UBN2: variants seen among roughly 807,000 people sequenced by gnomAD.
UBN2 encodes the protein ubinuclein 2, also known as ubinuclein-2.
UBN2 carries 35 observed loss-of-function variants against 120.2 expected under a neutral mutation model. The ratio of observed to expected loss-of-function variants is 0.29; its 90% CI spans 0.22 to 0.39. UBN2 has a LOEUF of 0.39. Among genes scored for constraint, UBN2 ranks in the 10% least tolerant of loss-of-function variants. The pLI is 1.00. For missense variants in UBN2, 1,693 were observed against 1,663.2 expected (o/e 1.02, Z -0.31); for synonymous variants, 661 against 648.7 (o/e 1.02, Z -0.29).
chr7:139,317,080 A>G, the UBN2 span, among the ~76,000 whole-genome samples: 13 of 150,358 alleles, frequency 8.6e-5, no homozygotes, highest in East Asian at 2.0e-3. Context: ...CTACAGGCCA[A>G]TGTTCCTAAA....
At chr7:139,270,565 G>T (rs925082217) in intron 8 of UBN2, among the ~76,000 whole-genome samples, 4 of 151,922 alleles carry the variant, frequency 2.6e-5, no homozygotes, top group Non-Finnish European at 4.4e-5. Flanking sequence ...CACCGTGCCT[G>T]GCCAGAAACA....
chr7:139,329,652 A>C, the UBN2 span, among the ~76,000 whole-genome samples: 7 of 152,102 alleles, frequency 4.6e-5, no homozygotes, highest in Non-Finnish European at 7.4e-5. Context: ...GCGTGAGAGC[A>C]TTCTTACGTG....
At chr7:139,236,609 A>G (rs950942158) in intron 1 of UBN2, among the ~76,000 whole-genome samples, 1 of 151,986 alleles carries the variant, frequency 6.6e-6, no homozygotes, top group Non-Finnish European at 1.5e-5. Context: ...GTTATTTTGG[A>G]TGAGGTGACC....
chr7:139,288,197 C>T (rs1365196862), intron 15 of UBN2, among the ~76,000 whole-genome samples: 1 of 152,150 alleles, frequency 6.6e-6, no homozygotes, highest in Admixed American at 6.5e-5. Context: ...AGCATACTCA[C>T]ACATATAGTC....
intron 2 of UBN2, among the ~76,000 whole-genome samples, chr7:139,240,144 CTAAAT>C (rs1009887300): frequency 6.6e-6 from 1 of 151,936 alleles, no homozygotes; most frequent in African/African-American, 2.4e-5. Context: ...TTGTTATAGT[CTAAAT>C]TAATGGGCTA....
intron 2 of UBN2, among the ~76,000 whole-genome samples, chr7:139,243,782 A>T (rs1387264838): frequency 6.6e-6 from 1 of 152,166 alleles, no homozygotes. Flanking sequence ...ATTGTGCCTT[A>T]TAGTTGGCAA....
In UBN2 at chr7:139,283,019, A is replaced by G. The variant is rs760927772; in HGVS notation, c.2119-5A>G. ...TATTTTTTTCCATATGATGCTTTAC[A>G]TTAGGAGTGTAGTCCAAAAAAGGAC... On this transcript the variant is annotated splice_polypyrimidine_tract_variant and splice_region_variant and intron_variant, in intron 14 of 17. Coordinates refer to ENST00000473989, the MANE Select transcript of UBN2 (RefSeq NM_173569.4). 17 of 1,568,692 alleles carry G rather than the reference A, an allele frequency of 1.1e-5. No individual in the cohort carries two copies. In the East Asian group the frequency reaches 2.9e-4, roughly 27 times the overall value.
chr7:139,235,607 A>G (rs1046697340), intron 1 of UBN2, among the ~76,000 whole-genome samples: 1 of 152,050 alleles, frequency 6.6e-6, no homozygotes, highest in Non-Finnish European at 1.5e-5. Flanking sequence ...GGGTTTCACC[A>G]TGTTGGCTAG....
intron 13 of UBN2, among the ~76,000 whole-genome samples, 161 bp downstream of exon 13, chr7:139,279,521 A>G (rs557408379): frequency 5.9e-5 from 9 of 152,352 alleles, no homozygotes; most frequent in African/African-American, 2.2e-4. Context: ...ATTTGGGAGA[A>G]TAGATTCCTG....
chr7:139,322,475 G>T, the UBN2 span, among the ~76,000 whole-genome samples: 1 of 152,136 alleles, frequency 6.6e-6, no homozygotes, highest in African/African-American at 2.4e-5. Context: ...AGGCTGCATG[G>T]GAGTGTAGAA....
chr7:139,232,579 A>C (rs1200860135), intron 1 of UBN2, among the ~76,000 whole-genome samples: 1 of 152,184 alleles, frequency 6.6e-6, no homozygotes, highest in East Asian at 1.9e-4. Context: ...TCTGGTTACT[A>C]ATTTTTCTCT....
At chr7:139,260,222 C>T (rs1166638960) in intron 5 of UBN2, among the ~76,000 whole-genome samples, 3 of 152,094 alleles carry the variant, frequency 2.0e-5, no homozygotes, top group Non-Finnish European at 4.4e-5. Context: ...CCTCAGCTAC[C>T]TGAGTAGCTG....
rs540322887 is a variant in UBN2 at position 139,281,982 on chromosome 7, A to G, written c.2068-23A>G. 110 of 1,611,132 alleles carry G rather than the reference A, an allele frequency of 6.8e-5. No individual in the cohort carries two copies. The South Asian group carries it at 1.2e-3, about 17-fold the overall frequency. On this transcript the variant is annotated intron_variant, in intron 13 of 17. Coordinates refer to ENST00000473989, the MANE Select transcript of UBN2 (RefSeq NM_173569.4). Reference sequence around the variant, plus strand: ...GTTAGAGTGTAACAGTATTCTTAACAGCTTGCTTATGTAATACCTTAGGAG... The same window carrying G: ...GTTAGAGTGTAACAGTATTCTTAACGGCTTGCTTATGTAATACCTTAGGAG...
At chr7:139,273,829 A>T in intron 10 of UBN2, 102 bp from the exon 11 acceptor site, 1 of 1,014,936 alleles carries the variant, frequency 9.9e-7, no homozygotes, top group Non-Finnish European at 1.4e-6. Context: ...ATATGTTAGA[A>T]ATTGTTTGTT....
chr7:139,247,377 A>C lies in UBN2; in HGVS notation c.562-4579A>C, dbSNP rs1186647490. 3.3e-5 allele frequency among the ~76,000 whole-genome samples: 5 copies of C among 152,212 alleles called. No individual in the cohort carries two copies. In the East Asian group the frequency reaches 9.6e-4, roughly 29 times the overall value. Reference sequence around the variant, plus strand: ...AGAAGCTAATTTAGAGACAAATGACAGTGGAAACACTAATTTCAGTTTTGC... The same window carrying C: ...AGAAGCTAATTTAGAGACAAATGACCGTGGAAACACTAATTTCAGTTTTGC... On this transcript the variant is annotated intron_variant, in intron 2 of 17. Transcript: ENST00000473989.
the UBN2 span, among the ~76,000 whole-genome samples, chr7:139,327,460 C>T: frequency 1.3e-5 from 2 of 152,056 alleles, no homozygotes; most frequent in Non-Finnish European, 2.9e-5. Context: ...GCTCGGAAGT[C>T]CAATATCAAG....
intron 3 of UBN2, among the ~76,000 whole-genome samples, chr7:139,253,284 T>C (rs1275663089): frequency 9.2e-6 from 1 of 108,644 alleles, no homozygotes; most frequent in Non-Finnish European, 1.6e-5. Context: ...GGTGCATTTA[T>C]CTACTGAAGT....
rs1798221578 is a variant in UBN2 at position 139,300,224 on chromosome 7, G to A, written c.*2388G>A. 6.6e-6 allele frequency: 1 copy of A among 152,066 alleles called. No homozygotes were observed. The highest frequency in any genetic ancestry group is 1.5e-5 in the Non-Finnish European group (1 of 68,014). 9.4% of individuals were successfully genotyped at this position (152,066 alleles called of 1,614,324 possible). ...ATTCTTCTGTGTTCTCTTTAGTCTT[G>A]ATTCCTTGAGGACTACTGTCAGATC... is the stretch of plus-strand genomic sequence containing the variant. On this transcript the variant is annotated 3_prime_UTR_variant, in exon 18 of 18. Transcript: ENST00000473989.
In UBN2 at chr7:139,231,468, G is replaced by C. The variant is rs1796005309; in HGVS notation, c.-17G>C. Reference sequence around the variant, plus strand: ...GAGCGCCGGCTCGAGCAAAAGCGGAGGGCCAGAACAGTGGGGATGGCGGAG... The same window carrying C: ...GAGCGCCGGCTCGAGCAAAAGCGGACGGCCAGAACAGTGGGGATGGCGGAG... On this transcript the variant is annotated 5_prime_UTR_variant, in exon 1 of 18. Transcript: ENST00000473989. The C allele has an allele frequency of 1.9e-5, 25 of 1,326,086 alleles. No homozygotes were observed. Among genetic ancestry groups the C allele is most frequent in the Non-Finnish European group, 2.4e-5 (25 of 1,031,406 alleles). 82.1% of individuals were successfully genotyped at this position (1,326,086 alleles called of 1,614,324 possible).
Sources: gnomAD v4.1 joint callset for allele counts (sites outside exome capture counted in the v4.1 genomes callset) on GRCh38, gnomAD v4.1.1 for gene constraint, MANE v1.5 for transcripts, NCBI Gene and HGNC (gene_info 2026-07-23, HGNC 2026-07-21) for gene names.